The following RGL1 variants were observed in gnomAD, a reference collection of about 807,000 sequenced individuals.
The protein encoded by RGL1 is ral guanine nucleotide dissociation stimulator like 1.
A neutral mutation model predicts 95.2 loss-of-function variants in RGL1; 24 were observed. That is an observed-to-expected ratio of 0.25 (90% CI 0.18 to 0.35). The LOEUF (loss-of-function observed/expected upper bound fraction) is 0.35, where lower values mean the gene tolerates loss of function less well. RGL1 is among the 10% of genes least tolerant of loss of function. RGL1 has a pLI of 1.00. For synonymous variants in RGL1, 329 were observed against 344.9 expected, an observed-to-expected ratio of 0.95 and a Z score of 0.51; for missense variants, 715 against 936.3, an observed-to-expected ratio of 0.76 and a Z score of 3.08.
At chr1:183,690,388 A>T (rs2102109064) in intron 1 of RGL1, among the ~76,000 whole-genome samples, 1 of 152,308 alleles carries the variant, frequency 6.6e-6, no homozygotes, top group South Asian at 2.1e-4. Flanking sequence ...AATAGGTAGC[A>T]TTATCATTAT....
At chr1:183,878,909 A>G (rs1248465898) in intron 4 of RGL1, among the ~76,000 whole-genome samples, 2 of 152,208 alleles carry the variant, frequency 1.3e-5, no homozygotes, top group Non-Finnish European at 1.5e-5. Context: ...ATATTAAGAA[A>G]CATTAAGCAA....
chr1:183,824,907 C>T (rs990385987), intron 2 of RGL1, among the ~76,000 whole-genome samples: 17 of 152,136 alleles, frequency 1.1e-4, no homozygotes, highest in African/African-American at 7.2e-5. Flanking sequence ...AATCACCCTC[C>T]GCCAAGGTTT....
In RGL1 at chr1:183,822,328, A is replaced by G. The variant is rs192365471; in HGVS notation, c.138+15843A>G. The stretch of plus-strand genomic sequence containing the variant: ...TAGACATGTTTGACTTTTTAAAAAC[A>G]ATTGCCCACAAAAGCCACCAAACAT... On this transcript the variant is annotated intron_variant, in intron 2 of 17. Transcript: ENST00000360851. Among the ~76,000 whole-genome samples, 1,068 of 142,512 alleles carry G rather than the reference A, an allele frequency of 7.5e-3. 7 individuals carry two copies. Among genetic ancestry groups the G allele is most frequent in the Non-Finnish European group, 0.012 (804 of 64,348 alleles). The allele number at this position is 142,512 out of a possible 152,430, so 93.5% of individuals were successfully genotyped here. A position where few individuals can be genotyped will look rare whatever the true frequency, so the allele number is the denominator to read the frequency against.
At chr1:183,778,544 T>G (rs2102348416) in intron 2 of RGL1, among the ~76,000 whole-genome samples, 1 of 152,316 alleles carries the variant, frequency 6.6e-6, no homozygotes, top group South Asian at 2.1e-4. Flanking sequence ...TTATATGATA[T>G]GTTTCTGTCC....
intron 2 of RGL1, among the ~76,000 whole-genome samples, chr1:183,751,436 G>T (rs1211046841): frequency 6.6e-6 from 1 of 152,214 alleles, no homozygotes; most frequent in Non-Finnish European, 1.5e-5. Flanking sequence ...ACTTCAGACT[G>T]CTGTGCTGGC....
chr1:183,772,735 C>G (rs1463189871), intron 2 of RGL1, among the ~76,000 whole-genome samples: 2 of 152,018 alleles, frequency 1.3e-5, no homozygotes, highest in Non-Finnish European at 2.9e-5. Context: ...CTGGGCCGGG[C>G]GCGGTGGCTC....
chr1:183,868,946 C>T (rs1283054900), intron 4 of RGL1, among the ~76,000 whole-genome samples: 1 of 152,106 alleles, frequency 6.6e-6, no homozygotes, highest in Non-Finnish European at 1.5e-5. Flanking sequence ...GGGACTCTGT[C>T]TCTACAAAAA....
At chr1:183,916,400 G>A (rs1668971675) in intron 15 of RGL1, 47 bp from the exon 16 acceptor site, 1 of 1,599,442 alleles carries the variant, frequency 6.3e-7, no homozygotes, top group African/African-American at 1.3e-5. Context: ...AAAGCTGTTG[G>A]CCAGCGTTCT....
At chr1:183,695,831 G>A (rs1654218760) in intron 1 of RGL1, among the ~76,000 whole-genome samples, 1 of 151,998 alleles carries the variant, frequency 6.6e-6, no homozygotes, top group Admixed American at 6.6e-5. Context: ...GATGTGAGTT[G>A]GAGCCTTAAT....
At chr1:183,773,583 AGGAACCATTATAATTTTACT>A (rs1243781229) in intron 2 of RGL1, among the ~76,000 whole-genome samples, 1 of 152,244 alleles carries the variant, frequency 6.6e-6, no homozygotes, top group Non-Finnish European at 1.5e-5. Flanking sequence ...TGCCAACAAT[AGGAACCATTATAATTTTACT>A]GGATTTCTGA....
intron 4 of RGL1, among the ~76,000 whole-genome samples, chr1:183,870,298 T>C (rs1207937223): frequency 8.2e-6 from 1 of 121,526 alleles, no homozygotes; most frequent in African/African-American, 2.8e-5. Flanking sequence ...CCGGCCAGGG[T>C]AGGTGTCTTC....
At chr1:183,902,419 C>G in intron 11 of RGL1, 149 bp from the exon 12 acceptor site, 2 of 530,720 alleles carry the variant, frequency 3.8e-6, no homozygotes, top group Non-Finnish European at 3.2e-6. Context: ...AAACAGGACT[C>G]TCTTCTTCCA....
intron 1 of RGL1, among the ~76,000 whole-genome samples, chr1:183,675,819 A>G (rs889701327): frequency 2.6e-5 from 4 of 152,150 alleles, no homozygotes; most frequent in Non-Finnish European, 5.9e-5. Context: ...CAGGGTTGTG[A>G]AATAATTTTA....
chr1:183,687,595 T>C (rs952420018), intron 1 of RGL1, among the ~76,000 whole-genome samples: 8 of 152,154 alleles, frequency 5.3e-5, no homozygotes, highest in Admixed American at 2.0e-4. Flanking sequence ...AAGGAAACCA[T>C]CACAGTGCTT....
intron 2 of RGL1, among the ~76,000 whole-genome samples, chr1:183,776,229 A>G (rs1458675677): frequency 6.8e-6 from 1 of 146,902 alleles, no homozygotes; most frequent in Non-Finnish European, 1.5e-5. Flanking sequence ...GCTCACTGCA[A>G]GCTCCGCCTC....
chr1:183,897,701 C>G, intron 9 of RGL1, 107 bp from the exon 10 acceptor site: 1 of 732,972 alleles, frequency 1.4e-6, no homozygotes, highest in East Asian at 2.7e-5. Flanking sequence ...CATGGTGTTC[C>G]GAGCGAGAGT....
intron 1 of RGL1, among the ~76,000 whole-genome samples, chr1:183,639,777 T>G (rs2101970991): frequency 6.6e-6 from 1 of 151,754 alleles, no homozygotes; most frequent in South Asian, 2.1e-4. Context: ...GATTATAACC[T>G]GAGATGCACA....
intron 2 of RGL1, among the ~76,000 whole-genome samples, chr1:183,792,375 A>C (rs879374187): frequency 5.3e-5 from 8 of 152,056 alleles, no homozygotes; most frequent in Non-Finnish European, 1.0e-4. Context: ...TTCTACTCTA[A>C]GCTAACCTAT....
At chr1:183,909,252 T>C (rs1289238979) in intron 14 of RGL1, among the ~76,000 whole-genome samples, 1 of 152,230 alleles carries the variant, frequency 6.6e-6, no homozygotes, top group East Asian at 1.9e-4. Flanking sequence ...ATCTGGGAAA[T>C]GCATTTTTGC....
Sources: gnomAD v4.1 joint callset for allele counts (sites outside exome capture counted in the v4.1 genomes callset) on GRCh38, gnomAD v4.1.1 for gene constraint, MANE v1.5 for transcripts, NCBI Gene and HGNC (gene_info 2026-07-23, HGNC 2026-07-21) for gene names.